ZBTB7C: variants seen among roughly 807,000 people sequenced by gnomAD.
ZBTB7C encodes zinc finger and BTB domain-containing protein 7C.
A neutral mutation model predicts 25.7 loss-of-function variants in ZBTB7C; 8 were observed. The ratio of observed to expected loss-of-function variants is 0.31; its 90% confidence interval spans 0.18 to 0.56. The LOEUF is 0.56. Among genes scored for constraint, ZBTB7C ranks in the 20% least tolerant of loss-of-function variants. The pLI is 0.91. For synonymous variants in ZBTB7C, 394 were observed against 369.0 expected, an observed-to-expected ratio of 1.07 and a Z score of -0.78; for missense variants, 824 against 855.2, an observed-to-expected ratio of 0.96 and a Z score of 0.46.
intron 1 of ZBTB7C, among the ~76,000 whole-genome samples, chr18:48,356,824 T>G (rs2046987297): frequency 6.6e-6 from 1 of 152,214 alleles, no homozygotes; most frequent in Non-Finnish European, 1.5e-5. Flanking sequence ...GTGACTGGCA[T>G]TCCCTGACCA....
chr18:48,161,694 C>A (rs987240173), intron 3 of ZBTB7C, among the ~76,000 whole-genome samples: 1 of 151,532 alleles, frequency 6.6e-6, no homozygotes. Flanking sequence ...CTCGGCTGCC[C>A]GGCCCGGCCC....
intron 3 of ZBTB7C, among the ~76,000 whole-genome samples, chr18:48,085,974 C>T (rs567492794): frequency 5.3e-5 from 8 of 152,310 alleles, no homozygotes; most frequent in African/African-American, 1.4e-4. Flanking sequence ...AGCGGAGCCA[C>T]CTCTCCTCTC....
chr18:48,030,470 C>T (rs996396916), intron 4 of ZBTB7C, among the ~76,000 whole-genome samples: 2 of 152,240 alleles, frequency 1.3e-5, no homozygotes, highest in African/African-American at 4.8e-5. Flanking sequence ...GTTCAAACCT[C>T]CTGCATGGTG....
chr18:48,046,961 G>A lies in ZBTB7C; in HGVS notation c.-16-5838C>T, dbSNP rs1342974436. ...GACTTGAAGGCTGGTTTTCCCAGCAGTGACTTCTCACTGCGCCTTGGTTTG... is the reference window on the plus strand; with the variant it reads ...GACTTGAAGGCTGGTTTTCCCAGCAATGACTTCTCACTGCGCCTTGGTTTG... On this transcript the variant is annotated intron_variant, in intron 3 of 4. Coordinates refer to ENST00000590800, the MANE Select transcript of ZBTB7C (RefSeq NM_001318841.2). 3.3e-5 allele frequency among the ~76,000 whole-genome samples: 5 copies of A among 152,230 alleles called. No individual in the cohort carries two copies. The East Asian group carries it at 9.6e-4, about 29-fold the overall frequency.
intron 1 of ZBTB7C, among the ~76,000 whole-genome samples, chr18:48,354,847 TTGGGAG>T (rs1197561738): frequency 2.6e-5 from 4 of 152,132 alleles, no homozygotes; most frequent in Non-Finnish European, 4.4e-5. Context: ...AGCTGTGCCA[TTGGGAG>T]TCCACCAAGC....
At chr18:48,321,483 A>G (rs1271444912) in intron 2 of ZBTB7C, among the ~76,000 whole-genome samples, 3 of 152,088 alleles carry the variant, frequency 2.0e-5, no homozygotes, top group African/African-American at 7.2e-5. Flanking sequence ...GATATCCAGG[A>G]CCACCAGCTT....
intron 1 of ZBTB7C, among the ~76,000 whole-genome samples, chr18:48,362,725 G>T (rs1426280535): frequency 6.6e-6 from 1 of 152,094 alleles, no homozygotes; most frequent in Non-Finnish European, 1.5e-5. Flanking sequence ...AGACGCATGG[G>T]TTAGTTCTAA....
At chr18:48,286,834 T>C (rs948097933) in intron 2 of ZBTB7C, among the ~76,000 whole-genome samples, 7 of 151,998 alleles carry the variant, frequency 4.6e-5, no homozygotes, top group Non-Finnish European at 8.8e-5. Flanking sequence ...GGGGGATCAC[T>C]TGAGCTCAGG....
intron 4 of ZBTB7C, among the ~76,000 whole-genome samples, chr18:48,036,323 T>C (rs2035968547): frequency 6.6e-6 from 1 of 152,160 alleles, no homozygotes; most frequent in Non-Finnish European, 1.5e-5. Flanking sequence ...GATTCCCATG[T>C]CCTCCCCCTG....
chr18:48,294,378 A>C (rs2045329472), intron 2 of ZBTB7C, among the ~76,000 whole-genome samples: 1 of 146,504 alleles, frequency 6.8e-6, no homozygotes, highest in Non-Finnish European at 1.5e-5. Context: ...CCCCGTTCCT[A>C]GGTGAGTTTT....
intron 3 of ZBTB7C, among the ~76,000 whole-genome samples, chr18:48,173,214 C>T (rs958293717): frequency 6.6e-6 from 1 of 152,172 alleles, no homozygotes; most frequent in Non-Finnish European, 1.5e-5. Context: ...AGTAGATCCC[C>T]TCAAAGTCCA....
chr18:48,260,937 C>G (rs1172645328), intron 2 of ZBTB7C, among the ~76,000 whole-genome samples: 1 of 152,142 alleles, frequency 6.6e-6, no homozygotes, highest in Admixed American at 6.5e-5. Flanking sequence ...ATCAGCATGG[C>G]CCCACACCAG....
At chr18:48,205,147 A>C (rs2042549389) in intron 2 of ZBTB7C, among the ~76,000 whole-genome samples, 1 of 151,990 alleles carries the variant, frequency 6.6e-6, no homozygotes, top group African/African-American at 2.4e-5. Flanking sequence ...GAGGTCTAGC[A>C]CTCTGCAGAA....
In ZBTB7C at chr18:48,040,916, T is replaced by C; in HGVS notation, c.192A>G (p.Thr64=). 1 of 1,614,126 alleles carries C rather than the reference T, an allele frequency of 6.2e-7. No homozygotes were observed. The stretch of plus-strand genomic sequence containing the variant: ...AGGGCTGGCTGGCTAGGGTGCCGGC[T>C]GTGAAAAGCTTCTTGAAGTACTTGC... ...ACSKYFKKLF[T]AGTLASQPYV... Residue 64 remains threonine (T), a synonymous_variant, in exon 4 of 5, where the codon ACA becomes ACG. Transcript: ENST00000590800.
rs560544106 is a variant in ZBTB7C, at chr18:48,101,893, G to A, written c.-16-60770C>T. 8.8e-4 allele frequency among the ~76,000 whole-genome samples: 134 copies of A among 152,256 alleles called. 1 individual carries two copies. Among genetic ancestry groups the A allele is most frequent in the African/African-American group, 3.2e-3 (131 of 41,552 alleles). On this transcript the variant is annotated intron_variant, in intron 3 of 4. Transcript: ENST00000590800. ...GCTGGTTCGCTCTCTCTGCATGACT[G>A]ACATCTCTGGCCATGGAAATCCCAG...
chr18:48,410,698 C>CT (rs947873131), upstream of ZBTB7C: 2 of 152,450 alleles, frequency 1.3e-5, no homozygotes, highest in African/African-American at 4.8e-5. Flanking sequence ...GTCCACCCCT[C>CT]TGCGCTCCAG....
chr18:48,069,635 G>A (rs530996508), intron 3 of ZBTB7C, among the ~76,000 whole-genome samples: 10 of 150,622 alleles, frequency 6.6e-5, no homozygotes, highest in Admixed American at 5.3e-4. Flanking sequence ...CCATGTATTC[G>A]GAGCCTCTAC....
intron 3 of ZBTB7C, among the ~76,000 whole-genome samples, chr18:48,157,611 C>T (rs1037098948): frequency 1.3e-5 from 2 of 152,216 alleles, no homozygotes; most frequent in East Asian, 3.8e-4. Flanking sequence ...AAAGACAGCA[C>T]TTAACAGCAG....
In ZBTB7C at chr18:48,133,796, C is replaced by T. The variant is rs117623073; in HGVS notation, c.-17+52138G>A. Among the ~76,000 whole-genome samples, 662 of 152,298 alleles carry T rather than the reference C, an allele frequency of 4.3e-3. 4 individuals carry two copies. The highest frequency in any genetic ancestry group is 7.7e-3 in the Non-Finnish European group (526 of 68,028). ...CAAATTGCTCTTGGCAACAATCTCT[C>T]AACCCGATTCCCCTCCCTCTATTCA... On this transcript the variant is annotated intron_variant, in intron 3 of 4. Coordinates refer to ENST00000590800, the MANE Select transcript of ZBTB7C (RefSeq NM_001318841.2).
Sources: allele counts gnomAD v4.1 joint callset (sites outside exome capture counted in the v4.1 genomes callset), GRCh38; gene constraint gnomAD v4.1.1; transcripts MANE v1.5; gene names NCBI Gene and HGNC (gene_info 2026-07-23, HGNC 2026-07-21).